GAN: variants seen among roughly 807,000 people sequenced by gnomAD.
GAN encodes gigaxonin.
In GAN, 48 loss-of-function variants were observed where a neutral mutation model predicts 71.3. That is an observed-to-expected ratio of 0.67 (90% confidence interval 0.53 to 0.86). The LOEUF (loss-of-function observed/expected upper bound fraction) is 0.86. GAN is among the 40% of genes least tolerant of loss of function. GAN has a pLI of 0.00. For missense variants in GAN, 928 were observed against 770.1 expected (o/e 1.21, Z -2.43); for synonymous variants, 386 against 276.8 (o/e 1.39, Z -3.92).
intron 1 of GAN, among the ~76,000 whole-genome samples, chr16:81,331,160 G>T (rs7197301): frequency 2.1e-3 from 315 of 152,282 alleles, no homozygotes; most frequent in African/African-American, 7.3e-3. Context: ...ATCTGTGCTC[G>T]CACCACTGCG....
At chr16:81,336,592 T>C (rs1054141218) in intron 1 of GAN, among the ~76,000 whole-genome samples, 6 of 151,884 alleles carry the variant, frequency 4.0e-5, no homozygotes, top group Non-Finnish European at 8.8e-5. Flanking sequence ...GCCTCTTAAT[T>C]AGCTAGGACC....
At position 81,363,884 on chromosome 16, in the gene GAN, T is replaced by G; in HGVS notation, c.1177T>G (p.Cys393Gly). The G allele has an allele frequency of 6.2e-7, 1 of 1,612,306 alleles. No individual in the cohort carries two copies. Among genetic ancestry groups the G allele is most frequent in the East Asian group, 2.2e-5 (1 of 44,852 alleles). Residue 393 changes from cysteine (C) to glycine (G), a missense_variant, in exon 7 of 11, where the codon TGT (cysteine) becomes GGT (glycine). Coordinates refer to ENST00000648994, the MANE Select transcript of GAN (RefSeq NM_022041.4). ...TGAAAAGGAGCTGATTTCCATGGAG[T>G]GTTACGATATTTATTCTAAAACCTG... ...DGEKELISME[C>G]YDIYSKTWTK...
At chr16:81,336,993 C>G (rs767053178) in intron 1 of GAN, among the ~76,000 whole-genome samples, 2 of 151,992 alleles carry the variant, frequency 1.3e-5, no homozygotes, top group Admixed American at 1.3e-4. Flanking sequence ...TGGTGGTGTG[C>G]CTTCTATGGG....
In GAN at chr16:81,381,345, C is replaced by T. The variant is rs1485645868; in HGVS notation, c.*3749C>T. 5 of 152,148 alleles carry T rather than the reference C, an allele frequency of 3.3e-5. No individual in the cohort carries two copies. The highest frequency in any genetic ancestry group is 4.8e-5 in the African/African-American group (2 of 41,420). The allele number at this position is 152,148 out of a possible 1,614,324, so 9.4% of individuals were successfully genotyped here. A position where few individuals can be genotyped will look rare whatever the true frequency, so the allele number is the denominator to read the frequency against. On this transcript the variant is annotated 3_prime_UTR_variant, in exon 11 of 11. Transcript: ENST00000648994. ...TTGGCGTTCATGATTCAAGAGGCCT[C>T]CCGTGGTCAGATGAAGACCTTTGGT...
Position 81,360,047 on chromosome 16 carries a change from ATGGATGGATGGATG to A in GAN, c.973+2117_973+2130del, listed in dbSNP as rs1567493873. Among the ~76,000 whole-genome samples, 173 of 142,002 alleles carry A rather than the reference ATGGATGGATGGATG, an allele frequency of 1.2e-3. No individual in the cohort carries two copies. In the East Asian group the frequency reaches 0.028, roughly 23 times the overall value. The allele number at this position is 142,002 out of a possible 152,430, so 93.2% of individuals were successfully genotyped here. A position where few individuals can be genotyped will look rare whatever the true frequency, so the allele number is the denominator to read the frequency against. ...GATGGATGGATGGATGGATGGATGGATGGATGGATGGATGGATGGATAGATGGATGGACAGACAG... is the reference window on the plus strand; with the variant it reads ...GATGGATGGATGGATGGATGGATGGAGATGGATAGATGGATGGACAGACAG... On this transcript the variant is annotated intron_variant, in intron 5 of 10. Coordinates refer to ENST00000648994, the MANE Select transcript of GAN (RefSeq NM_022041.4).
intron 9 of GAN, 149 bp downstream of exon 9, chr16:81,365,627 G>C (rs1910830497): frequency 1.3e-6 from 1 of 784,218 alleles, no homozygotes; most frequent in Non-Finnish European, 2.2e-6. Context: ...TTTATTCAGT[G>C]ACTTCACAAG....
In GAN at chr16:81,380,627, G is replaced by A. The variant is rs1904300274; in HGVS notation, c.*3031G>A. 1 of 152,126 alleles carries A rather than the reference G, an allele frequency of 6.6e-6. No individual in the cohort carries two copies. The highest frequency in any genetic ancestry group is 6.5e-5 in the Admixed American group (1 of 15,272). The allele number at this position is 152,126 out of a possible 1,614,324, so 9.4% of individuals were successfully genotyped here. A position where few individuals can be genotyped will look rare whatever the true frequency, so the allele number is the denominator to read the frequency against. On this transcript the variant is annotated 3_prime_UTR_variant, in exon 11 of 11. Transcript: ENST00000648994. ...TGTATTTGTGTTTACTTTTTGAATT[G>A]TAGTTCTAAACTACATATATTACTG...
At chr16:81,376,027 C>G (rs949909095) in intron 9 of GAN, among the ~76,000 whole-genome samples, 8 of 151,456 alleles carry the variant, frequency 5.3e-5, no homozygotes, top group East Asian at 1.9e-4. Flanking sequence ...GGCAAAGATG[C>G]TCAACATCAT....
At chr16:81,342,003 C>G (rs1389140509) in intron 1 of GAN, among the ~76,000 whole-genome samples, 3 of 152,132 alleles carry the variant, frequency 2.0e-5, no homozygotes, top group East Asian at 1.9e-4. Context: ...ATAAAACAGA[C>G]TTTAAACCAA....
intron 1 of GAN, among the ~76,000 whole-genome samples, chr16:81,329,052 A>T (rs1429328014): frequency 6.6e-6 from 1 of 152,200 alleles, no homozygotes. Flanking sequence ...TAAAATGCTA[A>T]TTAGACATAA....
intron 1 of GAN, among the ~76,000 whole-genome samples, chr16:81,318,045 A>G (rs952312248): frequency 2.0e-5 from 3 of 152,372 alleles, no homozygotes; most frequent in East Asian, 1.9e-4. Context: ...ATCACTAACT[A>G]GAAAGAAATT....
intron 1 of GAN, among the ~76,000 whole-genome samples, chr16:81,343,273 G>A (rs984919104): frequency 2.0e-5 from 3 of 152,138 alleles, no homozygotes; most frequent in African/African-American, 7.2e-5. Context: ...CATTTTATGA[G>A]GCCAGCATCA....
At position 81,344,980 on chromosome 16, in the gene GAN, C is replaced by G. The variant is rs189136890; in HGVS notation, c.168-6603C>G. Reference sequence around the variant, plus strand: ...CACTTCTCAAAAGAAGACATTTATGCAACCAACAGACATGAAAAAATGCTC... The same window carrying G: ...CACTTCTCAAAAGAAGACATTTATGGAACCAACAGACATGAAAAAATGCTC... On this transcript the variant is annotated intron_variant, in intron 1 of 10. Coordinates refer to ENST00000648994, the MANE Select transcript of GAN (RefSeq NM_022041.4). Among the ~76,000 whole-genome samples the G allele has an allele frequency of 1.1e-4, 16 of 152,240 alleles. No homozygotes were observed. The East Asian group carries it at 3.1e-3, about 29-fold the overall frequency.
At position 81,380,784 on chromosome 16, in the gene GAN, C is replaced by G. The variant is rs1904301101; in HGVS notation, c.*3188C>G. On this transcript the variant is annotated 3_prime_UTR_variant, in exon 11 of 11. Transcript: ENST00000648994. The stretch of plus-strand genomic sequence containing the variant: ...AGTTTTACTTGGTGTTCGCGTTTCT[C>G]TTCTTCAGCAGGATTAAAAACAGTG... The G allele has an allele frequency of 6.6e-6, 1 of 152,118 alleles. No homozygotes were observed. 9.4% of individuals were successfully genotyped at this position (152,118 alleles called of 1,614,324 possible).
chr16:81,342,699 C>T (rs1218597075), intron 1 of GAN, among the ~76,000 whole-genome samples: 5 of 152,140 alleles, frequency 3.3e-5, no homozygotes, highest in African/African-American at 1.2e-4. Flanking sequence ...AAAATCCACA[C>T]CCTAGCATCA....
intron 1 of GAN, among the ~76,000 whole-genome samples, chr16:81,319,560 G>C (rs982933772): frequency 1.3e-5 from 2 of 152,082 alleles, no homozygotes; most frequent in African/African-American, 4.8e-5. Context: ...CCAGTCCTGT[G>C]ATCACTTGTA....
Position 81,363,808 on chromosome 16 carries a change from C to A in GAN, c.1101C>A (p.Phe367Leu). The change falls in exon 7 of 11, where the codon TTC (phenylalanine) becomes TTA (leucine). Residue 367 changes from phenylalanine (F) to leucine (L), a missense_variant. Phe to Leu is a conservative substitution (Grantham distance 22). Transcript: ENST00000648994. Reference sequence around the variant, plus strand: ...TGTAATTTCAGGCAAGACATAACTTCGGAATTGTGGAGATAGATGGGATGC... The same window carrying A: ...TGTAATTTCAGGCAAGACATAACTTAGGAATTGTGGAGATAGATGGGATGC... The part of the protein sequence containing the change: ...LPPMNEARHN[F>L]GIVEIDGMLY... 4 of 1,613,668 alleles carry A rather than the reference C, an allele frequency of 2.5e-6. No individual in the cohort carries two copies. The highest frequency in any genetic ancestry group is 3.4e-6 in the Non-Finnish European group (4 of 1,179,638).
intron 9 of GAN, among the ~76,000 whole-genome samples, chr16:81,376,869 A>G (rs1253970747): frequency 1.3e-5 from 2 of 152,122 alleles, no homozygotes; most frequent in Admixed American, 6.5e-5. Flanking sequence ...TGAAAAACCA[A>G]CAAATTCTGG....
rs1393099480 is a variant in GAN at position 81,381,867 on chromosome 16, A to G, written c.*4271A>G. ...TTGTACCCATATGGGCTGGCCTCCT[A>G]TACGGAGCTGAAACTAGCATGGGCC... On this transcript the variant is annotated 3_prime_UTR_variant, in exon 11 of 11. Transcript: ENST00000648994. 1 of 152,168 alleles carries G rather than the reference A, an allele frequency of 6.6e-6. No individual in the cohort carries two copies. Among genetic ancestry groups the G allele is most frequent in the Non-Finnish European group, 1.5e-5 (1 of 68,042 alleles). The allele number at this position is 152,168 out of a possible 1,614,324, so 9.4% of individuals were successfully genotyped here. A position where few individuals can be genotyped will look rare whatever the true frequency, so the allele number is the denominator to read the frequency against.
Sources: allele counts gnomAD v4.1 joint callset (sites outside exome capture counted in the v4.1 genomes callset), GRCh38; gene constraint gnomAD v4.1.1; transcripts MANE v1.5; gene names NCBI Gene and HGNC (gene_info 2026-07-23, HGNC 2026-07-21).